The following POLE variants were observed in gnomAD, a reference collection of about 807,000 sequenced individuals.
POLE encodes DNA polymerase epsilon, catalytic subunit, also known as DNA polymerase epsilon catalytic subunit A.
Under a neutral mutation model 279.2 loss-of-function variants are expected in POLE, and 188 were observed. That is an observed-to-expected ratio of 0.67 (90% CI 0.60 to 0.76). POLE has a LOEUF of 0.76. Among genes scored for constraint, POLE ranks in the 30% least tolerant of loss-of-function variants. The pLI is 0.00. For synonymous variants in POLE, 1,214 were observed against 1,172.5 expected, an observed-to-expected ratio of 1.04 and a Z score of -0.72; for missense variants, 2,703 against 3,016.7, an observed-to-expected ratio of 0.90 and a Z score of 2.44.
chr12:132,645,553 A>T (rs2042263323), intron 32 of POLE, among the ~76,000 whole-genome samples: 1 of 152,210 alleles, frequency 6.6e-6, no homozygotes, highest in South Asian at 2.1e-4. Context: ...CAAAGAGGCA[A>T]GGAAGAGCTT....
intron 29 of POLE, chr12:132,651,394 C>T (rs913506475): frequency 1.2e-4 from 18 of 152,204 alleles, no homozygotes; most frequent in African/African-American, 4.1e-4. Context: ...TGCCTGGTCC[C>T]GGAGAACAAC....
chr12:132,625,847 G>A, intron 46 of POLE, 77 bp from the exon 47 acceptor site: 5 of 1,554,532 alleles, frequency 3.2e-6, no homozygotes, highest in Non-Finnish European at 4.3e-6. Context: ...CTCAGGAGAG[G>A]AAGGGGCTGT....
rs1457549036 is a variant in POLE at position 132,642,267 on chromosome 12, C to G, written c.5083G>C (p.Gly1695Arg). 6.2e-7 allele frequency: 1 copy of G among 1,611,270 alleles called. No homozygotes were observed. The highest frequency in any genetic ancestry group is 8.5e-7 in the Non-Finnish European group (1 of 1,178,762). Residue 1695 changes from glycine to arginine, a missense_variant, in exon 38 of 49, where the codon GGT becomes CGT. This residue lies in a region of POLE where 1,551 missense variants were observed against 1,686.1 expected (regional missense o/e 0.92). Transcript: ENST00000320574. ...CAGTTGTCATCAGCCTCCTTTCCAC[C>G]CAGGTCAGGGCGGGCTGTAGGGGAC... Reference protein sequence around the residue: ...WLSPTARPDLGGKEADDNCLV... With the variant: ...WLSPTARPDLRGKEADDNCLV...
intron 29 of POLE, among the ~76,000 whole-genome samples, chr12:132,656,671 C>T (rs946348272): frequency 3.3e-5 from 5 of 152,176 alleles, no homozygotes; most frequent in African/African-American, 1.2e-4. Flanking sequence ...GAACCTTGTT[C>T]TTGTCATGTG....
chr12:132,658,138 T>C, intron 26 of POLE, 168 bp from the exon 27 acceptor site: 3 of 561,938 alleles, frequency 5.3e-6, no homozygotes, highest in Non-Finnish European at 9.5e-6. Context: ...TACAGGTTCC[T>C]CGGGGAGTAA....
chr12:132,640,008 C>T (rs2042110249), intron 39 of POLE, among the ~76,000 whole-genome samples: 1 of 151,940 alleles, frequency 6.6e-6, no homozygotes, highest in African/African-American at 2.4e-5. Context: ...ATCACCATAC[C>T]CACATGGCCC....
At chr12:132,625,601 C>T (rs757391004) in intron 47 of POLE, 44 bp downstream of exon 47, 1 of 1,607,138 alleles carries the variant, frequency 6.2e-7, no homozygotes, top group Non-Finnish European at 8.5e-7. Flanking sequence ...AGAAACCCCC[C>T]TGTGGACTCC....
At chr12:132,640,427 T>C (rs532506768) in intron 39 of POLE, among the ~76,000 whole-genome samples, 1 of 152,352 alleles carries the variant, frequency 6.6e-6, no homozygotes, top group African/African-American at 2.4e-5. Context: ...AGGCAGGTGG[T>C]ACCTAGACAC....
chr12:132,674,806 C>T (rs1314031891), intron 12 of POLE, among the ~76,000 whole-genome samples: 1 of 151,972 alleles, frequency 6.6e-6, no homozygotes, highest in African/African-American at 2.4e-5. Flanking sequence ...CGTGGAGGCC[C>T]CTCCATTCCC....
rs751381655 is a variant in POLE, at chr12:132,676,660, G to GGA, written c.802-9_802-8dup. 7 of 1,585,342 alleles carry GGA rather than the reference G, an allele frequency of 4.4e-6. No individual in the cohort carries two copies. The African/African-American group carries it at 9.4e-5, about 21-fold the overall frequency. On this transcript the variant is annotated splice_region_variant and splice_polypyrimidine_tract_variant and intron_variant, in intron 8 of 48. Coordinates refer to ENST00000320574, the MANE Select transcript of POLE (RefSeq NM_006231.4). ...ATGCCAAAACCACAGGGTCCTGTGGGGACAAAATAAGCATAAAGCCAAGCT... is the reference window on the plus strand; with the variant it reads ...ATGCCAAAACCACAGGGTCCTGTGGGGAGACAAAATAAGCATAAAGCCAAGCT...
chr12:132,637,901 G>T, intron 41 of POLE, 113 bp downstream of exon 41: 3 of 1,212,342 alleles, frequency 2.5e-6, no homozygotes, highest in African/African-American at 1.5e-5. Context: ...GGTGAGTCCT[G>T]CACTTCTAAC....
chr12:132,670,862 T>C (rs760800945), intron 16 of POLE, among the ~76,000 whole-genome samples: 28 of 152,192 alleles, frequency 1.8e-4, no homozygotes, highest in Non-Finnish European at 3.8e-4. Flanking sequence ...AAGAGTTCCC[T>C]GAAGTATAAT....
At chr12:132,635,701 G>A (rs547749941) in intron 42 of POLE, among the ~76,000 whole-genome samples, 191 bp downstream of exon 42, 1 of 152,348 alleles carries the variant, frequency 6.6e-6, no homozygotes, top group Non-Finnish European at 1.5e-5. Flanking sequence ...CCATCACCAG[G>A]GCTGACGCCA....
intron 1 of POLE, among the ~76,000 whole-genome samples, chr12:132,682,615 C>T (rs1489744814): frequency 6.6e-6 from 1 of 152,108 alleles, no homozygotes; most frequent in Admixed American, 6.6e-5. Context: ...ATCTCTGTAT[C>T]ATTTCTGACA....
At chr12:132,671,211 C>T (rs1038079803) in intron 16 of POLE, among the ~76,000 whole-genome samples, 1 of 141,048 alleles carries the variant, frequency 7.1e-6, no homozygotes, top group Non-Finnish European at 1.5e-5. Flanking sequence ...TGCAGTAAGC[C>T]GAGATCATGC....
chr12:132,665,319 G>C lies in POLE; in HGVS notation c.2451C>G (p.Gly817=), dbSNP rs1415790445. The stretch of plus-strand genomic sequence containing the variant: ...CCACCTACCCCTTGCGCATGACATA[G>C]CCATAGAAGGAGTTCAGGATGCACT... ...AHKCILNSFY[G]YVMRKGARWY... The change falls in exon 21 of 49, where the codon GGC becomes GGG. Residue 817 remains glycine, a synonymous_variant. Coordinates refer to ENST00000320574, the MANE Select transcript of POLE (RefSeq NM_006231.4). 1 of 1,613,712 alleles carries C rather than the reference G, an allele frequency of 6.2e-7. No homozygotes were observed. The highest frequency in any genetic ancestry group is 1.7e-5 in the Admixed American group (1 of 59,996).
intron 5 of POLE, 134 bp downstream of exon 5, chr12:132,679,820 A>T: frequency 1.0e-6 from 1 of 991,720 alleles, no homozygotes; most frequent in Non-Finnish European, 1.5e-6. Context: ...CTTTGGAAGG[A>T]ATTTTATAGA....
intron 10 of POLE, 91 bp downstream of exon 10, chr12:132,676,003 C>T: frequency 1.0e-6 from 1 of 986,324 alleles, no homozygotes; most frequent in South Asian, 1.4e-5. Context: ...AGCTGCAATT[C>T]TGATCTGACG....
Position 132,642,888 on chromosome 12 carries a change from C to T in POLE, c.4660G>A (p.Glu1554Lys), listed in dbSNP as rs143247306. The T allele has an allele frequency of 5.8e-5, 93 of 1,613,700 alleles. No individual in the cohort carries two copies. Among genetic ancestry groups the T allele is most frequent in the African/African-American group, 1.6e-4 (12 of 74,926 alleles). The part of the protein sequence containing the change: ...ELLPPPKHTF[E>K]VRAETDLKTI... ...TTCAGGTCAGTTTCTGCCCGAACTT[C>T]GAAGGTGTGTTTGGGGGGTGGCAGG... The change falls in exon 36 of 49, where the codon GAA becomes AAA. Residue 1554 changes from glutamate to lysine, a missense_variant. Coordinates refer to ENST00000320574, the MANE Select transcript of POLE (RefSeq NM_006231.4).
Sources: allele counts gnomAD v4.1 joint callset (sites outside exome capture counted in the v4.1 genomes callset), GRCh38; gene constraint gnomAD v4.1.1; regional missense constraint gnomAD v4.1.1; transcripts MANE v1.5; gene names NCBI Gene and HGNC (gene_info 2026-07-23, HGNC 2026-07-21).